The following ZFR variants were observed in gnomAD, a reference collection of about 807,000 sequenced individuals.
ZFR encodes the protein zinc finger RNA-binding protein.
Under a neutral mutation model 130.7 loss-of-function variants are expected in ZFR, and 19 were observed. The observed-to-expected ratio is 0.15, with a 90% confidence interval of 0.10 to 0.21. The LOEUF (loss-of-function observed/expected upper bound fraction) is 0.21. Ranked by LOEUF, ZFR falls within the 10% of genes least tolerant of loss-of-function variation. The pLI, the probability that ZFR is intolerant of heterozygous loss-of-function variation, is 1.00. For synonymous variants in ZFR, 466 were observed against 456.9 expected (o/e 1.02, Z -0.25); for missense variants, 872 against 1,321.5 (o/e 0.66, Z 5.27).
At position 32,417,680 on chromosome 5, in the gene ZFR, T is replaced by G; in HGVS notation, c.533A>C (p.Gln178Pro). Residue 178 changes from glutamine (Q) to proline (P), a missense_variant, in exon 4 of 20, where the codon CAG becomes CCG. By Grantham distance (76) the Gln-to-Pro change is moderately conservative. Transcript: ENST00000265069. Reference protein sequence around the residue: ...AAAVAAAAQPQPSVAETYYQT... With the variant: ...AAAVAAAAQPPPSVAETYYQT... ...ATAGTAAGTTTCAGCAACAGAAGGC[T>G]GAGGTTGGGCAGCGGCAGCTACAGC... 1 of 1,613,846 alleles carries G rather than the reference T, an allele frequency of 6.2e-7. No homozygotes were observed. Among genetic ancestry groups the G allele is most frequent in the South Asian group, 1.1e-5 (1 of 91,076 alleles).
At chr5:32,444,178 G>A (rs368990595) in intron 2 of ZFR, 51 bp downstream of exon 2, 3 of 1,571,302 alleles carry the variant, frequency 1.9e-6, no homozygotes, top group East Asian at 4.8e-5. Flanking sequence ...GACAGGATCC[G>A]GACCGAGGGG....
chr5:32,387,481 ACAGT>A, intron 14 of ZFR, 64 bp downstream of exon 14: 1 of 1,570,052 alleles, frequency 6.4e-7, no homozygotes, highest in Non-Finnish European at 8.6e-7. Flanking sequence ...AAACCGAAGC[ACAGT>A]CAGTCCCGCC....
At chr5:32,369,267 A>G (rs1752609506) in intron 17 of ZFR, among the ~76,000 whole-genome samples, 2 of 151,842 alleles carry the variant, frequency 1.3e-5, no homozygotes, top group Non-Finnish European at 2.9e-5. Context: ...TCATTTTAGA[A>G]CTCTTTGTTG....
rs1209853565 is a variant in ZFR, at chr5:32,395,991, G to A, written c.1834-687C>T. Among the ~76,000 whole-genome samples, 3 of 152,146 alleles carry A rather than the reference G, an allele frequency of 2.0e-5. No homozygotes were observed. The East Asian group carries it at 5.8e-4, about 29-fold the overall frequency. On this transcript the variant is annotated intron_variant, in intron 10 of 19. Coordinates refer to ENST00000265069, the MANE Select transcript of ZFR (RefSeq NM_016107.5). The stretch of plus-strand genomic sequence containing the variant: ...AGTCCCAGCACTTTGGGAGGCCAAG[G>A]AAGGCAGATCACTTGAGGCCAGGAG...
chr5:32,411,707 T>TGGGGG lies in ZFR; in HGVS notation c.784+3261_784+3262insCCCCC, dbSNP rs1463819148. Reference sequence around the variant, plus strand: ...CTGTCTCAAAAAAAAAAAAAAAAATTGAGGGGGGGCGGGGAATAGAAAATA... The same window carrying TGGGGG: ...CTGTCTCAAAAAAAAAAAAAAAAATTGGGGGGAGGGGGGGCGGGGAATAGAAAATA... On this transcript the variant is annotated intron_variant, in intron 5 of 19. Transcript: ENST00000265069. Among the ~76,000 whole-genome samples the TGGGGG allele has an allele frequency of 3.3e-3, 144 of 43,408 alleles. 8 individuals are homozygous for TGGGGG. The highest frequency in any genetic ancestry group is 5.8e-3 in the Admixed American group (18 of 3,112). 28.5% of individuals were successfully genotyped at this position (43,408 alleles called of 152,430 possible). A position where few individuals can be genotyped will look rare whatever the true frequency, so the allele number is the denominator to read the frequency against.
chr5:32,397,849 C>CTTTTT lies in ZFR; in HGVS notation c.1714-516_1714-512dup, dbSNP rs70961626. ...TGATAGCATGTGTTTGCTCTTGTAT[C>CTTTTT]TTTTTTTTTTTTTTTTTTTTTTTTT... On this transcript the variant is annotated intron_variant, in intron 9 of 19. Transcript: ENST00000265069. Among the ~76,000 whole-genome samples the CTTTTT allele has an allele frequency of 2.8e-3, 185 of 66,880 alleles. 44 individuals carry two copies. The highest frequency in any genetic ancestry group is 3.0e-3 in the African/African-American group (47 of 15,910). 43.9% of individuals were successfully genotyped at this position (66,880 alleles called of 152,430 possible).
At chr5:32,395,479 T>G (rs531707982) in intron 10 of ZFR, among the ~76,000 whole-genome samples, 175 bp from the exon 11 acceptor site, 1 of 152,274 alleles carries the variant, frequency 6.6e-6, no homozygotes, top group East Asian at 1.9e-4. Context: ...CAAAATACAT[T>G]AATAAAAATT....
chr5:32,415,485 A>AGTGTGTGTGTGTGTGTGTGTGTGTGT (rs3065262), intron 4 of ZFR, among the ~76,000 whole-genome samples: 1 of 136,236 alleles, frequency 7.3e-6, no homozygotes, highest in Admixed American at 7.2e-5. Context: ...TCTGAAAAGG[A>AGTGTGTGTGTGTGTGTGTGTGTGTGT]GTGTGTGTGT....
intron 17 of ZFR, among the ~76,000 whole-genome samples, chr5:32,376,525 A>G (rs953339537): frequency 6.6e-6 from 1 of 152,028 alleles, no homozygotes; most frequent in East Asian, 1.9e-4. Flanking sequence ...GCATGCCTGT[A>G]GTGTGTAGTG....
chr5:32,422,263 A>T (rs1310969804), intron 2 of ZFR, among the ~76,000 whole-genome samples: 1 of 152,164 alleles, frequency 6.6e-6, no homozygotes, highest in Non-Finnish European at 1.5e-5. Context: ...AGGAATGACC[A>T]TATGTTCTGG....
intron 11 of ZFR, among the ~76,000 whole-genome samples, chr5:32,391,997 T>C (rs1487973890): frequency 6.6e-6 from 1 of 152,210 alleles, no homozygotes; most frequent in African/African-American, 2.4e-5. Context: ...CCTCCCAAAG[T>C]GCTGGGATTA....
chr5:32,432,539 T>C (rs1429528793), intron 2 of ZFR, among the ~76,000 whole-genome samples: 2 of 152,098 alleles, frequency 1.3e-5, no homozygotes, highest in Non-Finnish European at 1.5e-5. Context: ...TCTTTATATA[T>C]AGCTGGTCTC....
At position 32,406,760 on chromosome 5, in the gene ZFR, T is replaced by C. The variant is rs946339102; in HGVS notation, c.1032+14A>G. Reference sequence around the variant, plus strand: ...ACCACTGAAGACTCAAGGTAAAACATACAACGTAAGTACCTGTGGTCCAGC... The same window carrying C: ...ACCACTGAAGACTCAAGGTAAAACACACAACGTAAGTACCTGTGGTCCAGC... On this transcript the variant is annotated intron_variant, in intron 6 of 19. Coordinates refer to ENST00000265069, the MANE Select transcript of ZFR (RefSeq NM_016107.5). 1.9e-6 allele frequency: 3 copies of C among 1,600,950 alleles called. No homozygotes were observed. Among genetic ancestry groups the C allele is most frequent in the South Asian group, 2.3e-5 (2 of 88,204 alleles).
intron 2 of ZFR, among the ~76,000 whole-genome samples, chr5:32,431,179 T>C (rs931518283): frequency 9.2e-5 from 14 of 152,318 alleles, no homozygotes; most frequent in African/African-American, 3.1e-4. Context: ...AATGAATGAA[T>C]GTTGAGCAAA....
At chr5:32,442,990 G>A (rs1242896252) in intron 2 of ZFR, among the ~76,000 whole-genome samples, 2 of 129,772 alleles carry the variant, frequency 1.5e-5, no homozygotes, top group Non-Finnish European at 3.3e-5. Flanking sequence ...ACTCTGCCCA[G>A]GAGTTCGAGA....
intron 2 of ZFR, among the ~76,000 whole-genome samples, chr5:32,427,769 C>A (rs1402998942): frequency 2.6e-5 from 4 of 152,136 alleles, no homozygotes; most frequent in African/African-American, 9.7e-5. Context: ...TGCTGGCATA[C>A]AGACATATAG....
chr5:32,380,964 C>G (rs936951309), intron 15 of ZFR, among the ~76,000 whole-genome samples: 1 of 151,970 alleles, frequency 6.6e-6, no homozygotes, highest in Non-Finnish European at 1.5e-5. Context: ...ACAGGCATTT[C>G]TAAAAGTTTA....
At chr5:32,413,500 A>T (rs1027854086) in intron 5 of ZFR, among the ~76,000 whole-genome samples, 1 of 151,882 alleles carries the variant, frequency 6.6e-6, no homozygotes, top group Non-Finnish European at 1.5e-5. Flanking sequence ...CTTTCTAAAA[A>T]AATAGTTTCT....
At chr5:32,374,515 T>TTAAA (rs917409695) in intron 17 of ZFR, among the ~76,000 whole-genome samples, 22 of 151,680 alleles carry the variant, frequency 1.5e-4, no homozygotes, top group South Asian at 6.2e-4. Flanking sequence ...AAATAAATAA[T>TTAAA]TAAATAAATA....
Sources: allele counts gnomAD v4.1 joint callset (sites outside exome capture counted in the v4.1 genomes callset), GRCh38; gene constraint gnomAD v4.1.1; transcripts MANE v1.5; gene names NCBI Gene and HGNC (gene_info 2026-07-23, HGNC 2026-07-21).